The following DIPK1C variants were observed in gnomAD, a reference collection of about 807,000 sequenced individuals.
DIPK1C encodes the protein familial non-conventional Alzheimer's dementia.
A neutral mutation model predicts 28.0 loss-of-function variants in DIPK1C; 33 were observed. That is an observed-to-expected ratio of 1.18 (90% CI 0.89 to 1.58). The LOEUF is 1.58. DIPK1C is among the 40% of genes most tolerant of loss of function. The probability of loss-of-function intolerance (pLI) is 0.00; values close to 1 mark genes in which losing one functional copy is unlikely to be tolerated. For synonymous variants in DIPK1C, 255 were observed against 248.8 expected (o/e 1.02, Z -0.23); for missense variants, 569 against 568.5 (o/e 1.00, Z -0.01).
intron 3 of DIPK1C, among the ~76,000 whole-genome samples, chr18:74,440,421 A>G (rs1167105332): frequency 1.3e-5 from 2 of 152,212 alleles, no homozygotes; most frequent in Non-Finnish European, 2.9e-5. Flanking sequence ...AGAGAGAAGT[A>G]ATTCATTACA....
intron 2 of DIPK1C, 42 bp downstream of exon 2, chr18:74,446,564 C>T (rs1986264853): frequency 1.4e-6 from 2 of 1,396,928 alleles, no homozygotes; most frequent in Admixed American, 3.3e-5. Context: ...GACCCGAGAG[C>T]TCCGTTCTCT....
At position 74,449,616 on chromosome 18, in the gene DIPK1C, C is replaced by T. The variant is rs143121662; in HGVS notation, c.199-2333G>A. Reference sequence around the variant, plus strand: ...TTAGATCTCTGTATAATGCATTGGGCGGGGATGAGGGGGGTCTTGCTTGGC... The same window carrying T: ...TTAGATCTCTGTATAATGCATTGGGTGGGGATGAGGGGGGTCTTGCTTGGC... On this transcript the variant is annotated intron_variant, in intron 1 of 3. Transcript: ENST00000343998. Among the ~76,000 whole-genome samples the T allele has an allele frequency of 1.2e-3, 181 of 152,216 alleles. 3 individuals are homozygous for T. Among genetic ancestry groups the T allele is most frequent in the African/African-American group, 4.1e-3 (169 of 41,522 alleles).
chr18:74,437,058 C>A (rs1250932778), intron 3 of DIPK1C, among the ~76,000 whole-genome samples: 2 of 152,168 alleles, frequency 1.3e-5, no homozygotes, highest in Non-Finnish European at 2.9e-5. Flanking sequence ...AAGCAGAAGT[C>A]ACAGACAGTC....
chr18:74,456,529 C>T (rs987792290), intron 1 of DIPK1C, among the ~76,000 whole-genome samples: 4 of 152,214 alleles, frequency 2.6e-5, no homozygotes, highest in Non-Finnish European at 5.9e-5. Context: ...GGCTCTGGAG[C>T]GCAGGGGGGC....
Position 74,445,500 on chromosome 18 carries a change from C to T in DIPK1C, c.876+1106G>A, listed in dbSNP as rs116789473. On this transcript the variant is annotated intron_variant, in intron 2 of 3. Transcript: ENST00000343998. ...GCATGCTTAGAGAAGGGATTTACAC[C>T]GGCAGCAAATTTAGTTTTCCAGCTG... 4.8e-3 allele frequency among the ~76,000 whole-genome samples: 735 copies of T among 152,338 alleles called. 7 individuals are homozygous for T. Among genetic ancestry groups the T allele is most frequent in the African/African-American group, 0.017 (713 of 41,586 alleles).
At chr18:74,451,687 C>T (rs1986400961) in intron 1 of DIPK1C, among the ~76,000 whole-genome samples, 1 of 152,230 alleles carries the variant, frequency 6.6e-6, no homozygotes, top group Admixed American at 6.5e-5. Context: ...ACCTGCCTCC[C>T]TGACGCCTGC....
At chr18:74,464,574 C>A in the DIPK1C span, among the ~76,000 whole-genome samples, 2 of 152,338 alleles carry the variant, frequency 1.3e-5, no homozygotes, top group South Asian at 4.1e-4. Context: ...TCTTGGTGCT[C>A]TACATGCTGT....
chr18:74,439,204 T>C lies in DIPK1C; in HGVS notation c.1042-2485A>G, dbSNP rs1274364085. Among the ~76,000 whole-genome samples, 3 of 152,132 alleles carry C rather than the reference T, an allele frequency of 2.0e-5. No homozygotes were observed. The East Asian group carries it at 5.8e-4, about 29-fold the overall frequency. On this transcript the variant is annotated intron_variant, in intron 3 of 3. Transcript: ENST00000343998. ...TACAAAGGCCTTCTCTACACTAGAA[T>C]AATATTTGAAACTCTCCCAGCTTTT...
At chr18:74,462,154 A>T (rs541779073), upstream of DIPK1C, among the ~76,000 whole-genome samples, 324 of 152,312 alleles carry the variant, frequency 2.1e-3, no homozygotes, top group African/African-American at 7.4e-3. Context: ...GATTCTCAAG[A>T]CATGTGCAGA....
In DIPK1C at chr18:74,446,817, A is replaced by C. The variant is rs1357214592; in HGVS notation, c.665T>G (p.Val222Gly). ...GGGGCTGCCCGCGGCCAGGAACTCC[A>C]CCGCGTAGAAGTGGCCGCAGGAACC... ...VLGSCGHFYA[V>G]EFLAAGSPHH... The change falls in exon 2 of 4, where the codon GTG becomes GGG. Residue 222 changes from valine (V) to glycine (G), a missense_variant. Physicochemically the swap from Val to Gly is moderately radical, Grantham distance 109. Coordinates refer to ENST00000343998, the MANE Select transcript of DIPK1C (RefSeq NM_001044369.3). 1 of 1,490,496 alleles carries C rather than the reference A, an allele frequency of 6.7e-7. No individual in the cohort carries two copies. The highest frequency in any genetic ancestry group is 2.5e-5 in the East Asian group (1 of 40,202). The allele number at this position is 1,490,496 out of a possible 1,614,324, so 92.3% of individuals were successfully genotyped here.
At chr18:74,449,711 A>C (rs150816734) in intron 1 of DIPK1C, among the ~76,000 whole-genome samples, 44 of 152,228 alleles carry the variant, frequency 2.9e-4, no homozygotes, top group African/African-American at 1.0e-3. Flanking sequence ...AGCTAGTGAC[A>C]CCACCCTATT....
chr18:74,445,168 C>G (rs758009597), intron 2 of DIPK1C, among the ~76,000 whole-genome samples: 4 of 152,116 alleles, frequency 2.6e-5, no homozygotes, highest in Admixed American at 2.6e-4. Context: ...GGGGGTTGTA[C>G]GTGGACACTC....
intron 1 of DIPK1C, among the ~76,000 whole-genome samples, chr18:74,456,067 T>A (rs890661787): frequency 6.6e-5 from 10 of 152,228 alleles, no homozygotes; most frequent in African/African-American, 1.9e-4. Flanking sequence ...TCTTGAAGAT[T>A]TTTTAGAAAA....
At chr18:74,463,516 T>C in the DIPK1C span, among the ~76,000 whole-genome samples, 2 of 152,120 alleles carry the variant, frequency 1.3e-5, no homozygotes, top group South Asian at 4.1e-4. Flanking sequence ...CTGGTTGAGA[T>C]TTCCCTCCAG....
intron 3 of DIPK1C, among the ~76,000 whole-genome samples, chr18:74,438,454 T>C (rs1173433881): frequency 6.6e-6 from 1 of 152,202 alleles, no homozygotes; most frequent in African/African-American, 2.4e-5. Context: ...ATGTGTTAAA[T>C]TGACTCCATA....
At chr18:74,440,247 A>G (rs1237613679) in intron 3 of DIPK1C, among the ~76,000 whole-genome samples, 1 of 152,162 alleles carries the variant, frequency 6.6e-6, no homozygotes, top group Non-Finnish European at 1.5e-5. Flanking sequence ...ATTAATTTGT[A>G]ACCTGCATTT....
chr18:74,448,064 G>A (rs1285197873), intron 1 of DIPK1C, among the ~76,000 whole-genome samples: 1 of 152,108 alleles, frequency 6.6e-6, no homozygotes, highest in Admixed American at 6.5e-5. Context: ...AGCCACTAGG[G>A]GACCTGGCGA....
chr18:74,439,243 A>G (rs1986065384), intron 3 of DIPK1C, among the ~76,000 whole-genome samples: 1 of 152,058 alleles, frequency 6.6e-6, no homozygotes, highest in African/African-American at 2.4e-5. Context: ...GGTACCTTAA[A>G]GATTTCATCT....
chr18:74,459,794 A>G (rs189132623), upstream of DIPK1C, among the ~76,000 whole-genome samples: 20 of 152,170 alleles, frequency 1.3e-4, no homozygotes, highest in African/African-American at 4.6e-4. Flanking sequence ...TACAGGAGAA[A>G]TTTGCCGTTT....
Sources: allele counts gnomAD v4.1 joint callset (sites outside exome capture counted in the v4.1 genomes callset), GRCh38; gene constraint gnomAD v4.1.1; transcripts MANE v1.5; gene names NCBI Gene and HGNC (gene_info 2026-07-23, HGNC 2026-07-21).